The following CCDC62 variants were observed in gnomAD, a reference collection of about 807,000 sequenced individuals.
The protein encoded by CCDC62 is coiled-coil domain containing 62, also known as coiled-coil domain-containing protein 62.
Under a neutral mutation model 80.8 loss-of-function variants are expected in CCDC62, and 72 were observed. The ratio of observed to expected loss-of-function variants is 0.89; its 90% CI spans 0.74 to 1.08. The LOEUF is 1.08. Ranked by LOEUF, CCDC62 falls within the 50% of genes least tolerant of loss-of-function variation. The pLI, the probability that CCDC62 is intolerant of heterozygous loss-of-function variation, is 0.00. For synonymous variants in CCDC62, 286 were observed against 296.5 expected, an observed-to-expected ratio of 0.96 and a Z score of 0.36; for missense variants, 704 against 809.4, an observed-to-expected ratio of 0.87 and a Z score of 1.58.
intron 2 of CCDC62, among the ~76,000 whole-genome samples, chr12:122,780,536 C>A (rs188298138): frequency 0.012 from 1,826 of 151,666 alleles, 38 homozygotes; most frequent in African/African-American, 0.042. Context: ...ATGGCGTGAA[C>A]CCAGGAGGCA....
chr12:122,804,852 C>T (rs2031497483), intron 9 of CCDC62, among the ~76,000 whole-genome samples: 1 of 150,180 alleles, frequency 6.7e-6, no homozygotes, highest in Admixed American at 6.7e-5. Flanking sequence ...GTAGCCAAGA[C>T]TACGGGCACG....
chr12:122,788,581 A>T (rs1387160891), intron 4 of CCDC62, among the ~76,000 whole-genome samples, 177 bp from the exon 5 acceptor site: 1 of 152,206 alleles, frequency 6.6e-6, no homozygotes, highest in Non-Finnish European at 1.5e-5. Flanking sequence ...CTCATCTGTC[A>T]CTTGGCAAGA....
chr12:122,822,657 T>G (rs1172903418), intron 11 of CCDC62, among the ~76,000 whole-genome samples: 1 of 127,056 alleles, frequency 7.9e-6, no homozygotes, highest in East Asian at 3.2e-4. Context: ...CACTGTAAGC[T>G]CCGCCTCCCG....
chr12:122,796,338 T>G (rs2030958075), intron 6 of CCDC62, among the ~76,000 whole-genome samples: 1 of 152,108 alleles, frequency 6.6e-6, no homozygotes. Flanking sequence ...AGACAGTGTC[T>G]TGCTGTGTTG....
intron 12 of CCDC62, among the ~76,000 whole-genome samples, chr12:122,823,724 C>T (rs141961157): frequency 0.024 from 3,569 of 150,016 alleles, 75 homozygotes; most frequent in Non-Finnish European, 0.038. Flanking sequence ...AAAAAAAGGC[C>T]GGGCGTGGTG....
At chr12:122,809,019 C>T (rs2031746656) in intron 10 of CCDC62, among the ~76,000 whole-genome samples, 1 of 152,180 alleles carries the variant, frequency 6.6e-6, no homozygotes, top group African/African-American at 2.4e-5. Context: ...CAATGTTGTG[C>T]ACCTTTTCAC....
intron 11 of CCDC62, among the ~76,000 whole-genome samples, chr12:122,816,192 C>T (rs992020790): frequency 2.6e-5 from 4 of 152,110 alleles, no homozygotes; most frequent in African/African-American, 4.8e-5. Flanking sequence ...AAGTGGAAAC[C>T]GTGATGGACT....
At position 122,801,295 on chromosome 12, in the gene CCDC62, C is replaced by G; in HGVS notation, c.1149C>G (p.Ile383Met). 3 of 1,614,058 alleles carry G rather than the reference C, an allele frequency of 1.9e-6. No individual in the cohort carries two copies. The highest frequency in any genetic ancestry group is 2.5e-6 in the Non-Finnish European group (3 of 1,180,004). The change falls in exon 9 of 13, where the codon ATC (isoleucine) becomes ATG (methionine). Residue 383 changes from isoleucine (I) to methionine (M), a missense_variant. Coordinates refer to ENST00000253079, the MANE Select transcript of CCDC62 (RefSeq NM_201435.5). ...CDECKEKKQQ[I>M]DTVFGEKSVI... ...AATGCAAAGAGAAGAAACAACAGAT[C>G]GATACTGTGTTTGGGGAGAAAAGTG... is the stretch of plus-strand genomic sequence containing the variant.
chr12:122,801,407 C>T lies in CCDC62; in HGVS notation c.1261C>T (p.Pro421Ser). The change falls in exon 9 of 13, where the codon CCC (proline) becomes TCC (serine). Residue 421 changes from proline to serine, a missense_variant. Transcript: ENST00000253079. ...TCTGGGAGGAAAAACCCAGATTGAA[C>T]CCGAAAACAAAATTACATTGTGCAA... ...WSLGGKTQIE[P>S]ENKITLCKIH... is the part of the protein sequence containing the mutation. 1 of 1,613,814 alleles carries T rather than the reference C, an allele frequency of 6.2e-7. No homozygotes were observed. Among genetic ancestry groups the T allele is most frequent in the Non-Finnish European group, 8.5e-7 (1 of 1,179,948 alleles).
intron 8 of CCDC62, among the ~76,000 whole-genome samples, chr12:122,800,588 C>A (rs1028023624): frequency 6.6e-6 from 1 of 151,964 alleles, no homozygotes; most frequent in Non-Finnish European, 1.5e-5. Context: ...CCACCACGCC[C>A]GGCTAATTTT....
intron 11 of CCDC62, among the ~76,000 whole-genome samples, chr12:122,820,001 G>T (rs183262495): frequency 7.6e-6 from 1 of 132,196 alleles, no homozygotes; most frequent in Admixed American, 9.2e-5. Context: ...ATTTGAGGCT[G>T]CAGTGAGCTG....
chr12:122,807,697 T>C (rs1222983972), intron 10 of CCDC62, among the ~76,000 whole-genome samples: 2 of 151,992 alleles, frequency 1.3e-5, no homozygotes, highest in Non-Finnish European at 2.9e-5. Context: ...CATTAGTCTG[T>C]ATGTGACAGA....
intron 11 of CCDC62, among the ~76,000 whole-genome samples, chr12:122,815,571 C>T (rs561735928): frequency 6.6e-6 from 1 of 152,058 alleles, no homozygotes; most frequent in Non-Finnish European, 1.5e-5. Flanking sequence ...CTCAGCCTCC[C>T]GAGTAGCTGG....
chr12:122,787,572 A>G (rs936074066), intron 4 of CCDC62, among the ~76,000 whole-genome samples: 1 of 151,924 alleles, frequency 6.6e-6, no homozygotes, highest in African/African-American at 2.4e-5. Flanking sequence ...TAACATGGTG[A>G]AACCTCATCT....
Position 122,788,750 on chromosome 12 carries a change from GTT to G in CCDC62, c.499-4_499-3del. The G allele has an allele frequency of 6.5e-7, 1 of 1,532,442 alleles. No individual in the cohort carries two copies. Among genetic ancestry groups the G allele is most frequent in the Non-Finnish European group, 8.8e-7 (1 of 1,140,452 alleles). The allele number at this position is 1,532,442 out of a possible 1,614,324, so 94.9% of individuals were successfully genotyped here. A position where few individuals can be genotyped will look rare whatever the true frequency, so the allele number is the denominator to read the frequency against. Reference sequence around the variant, plus strand: ...TCTAGGATAACCATTTTCAAATTTGGTTTTTAGGACAAAGATATTATTGAGGC... The same window carrying G: ...TCTAGGATAACCATTTTCAAATTTGGTTTAGGACAAAGATATTATTGAGGC... On this transcript the variant is annotated splice_region_variant and splice_polypyrimidine_tract_variant and intron_variant, in intron 4 of 12. Coordinates refer to ENST00000253079, the MANE Select transcript of CCDC62 (RefSeq NM_201435.5).
In CCDC62 at chr12:122,801,684, C is replaced by T. The variant is rs2031320701; in HGVS notation, c.1538C>T (p.Ser513Phe). 3.7e-6 allele frequency: 6 copies of T among 1,614,048 alleles called. No homozygotes were observed. The highest frequency in any genetic ancestry group is 1.6e-4 in the Middle Eastern group (1 of 6,084). Residue 513 changes from serine (S) to phenylalanine (F), a missense_variant, in exon 9 of 13, where the codon TCC becomes TTC. Ser to Phe is a radical substitution (Grantham distance 155, BLOSUM62 -2). Transcript: ENST00000253079. ...CTGGGCGAAAGTGGCATGTGTGACT[C>T]CAAGTGCTGCCACCCGAGTAACTTC... is the stretch of plus-strand genomic sequence containing the variant. ...ACLGESGMCDSKCCHPSNFII... is the reference protein window; with the variant it reads ...ACLGESGMCDFKCCHPSNFII...
chr12:122,826,301 C>T (rs2032631099), intron 12 of CCDC62, 121 bp from the exon 13 acceptor site: 1 of 564,494 alleles, frequency 1.8e-6, no homozygotes, highest in African/African-American at 1.9e-5. Context: ...TTTGCATGTC[C>T]TGATGTTGAT....
At chr12:122,782,173 A>C (rs2029905095) in intron 3 of CCDC62, among the ~76,000 whole-genome samples, 1 of 152,176 alleles carries the variant, frequency 6.6e-6, no homozygotes, top group Admixed American at 6.5e-5. Context: ...CATCTCAACA[A>C]AAAACAACAA....
intron 1 of CCDC62, 104 bp from the exon 2 acceptor site, chr12:122,777,387 T>G (rs1201675303): frequency 8.8e-6 from 8 of 911,644 alleles, no homozygotes; most frequent in Non-Finnish European, 1.3e-5. Context: ...TTGAACTACT[T>G]AGAATTGGCC....
Sources: allele counts gnomAD v4.1 joint callset (sites outside exome capture counted in the v4.1 genomes callset), GRCh38; gene constraint gnomAD v4.1.1; transcripts MANE v1.5; gene names NCBI Gene and HGNC (gene_info 2026-07-23, HGNC 2026-07-21).